Variants in DGKB observed in about 807,000 individuals in gnomAD.
DGKB encodes diacylglycerol kinase beta, also known as 90 kDa diacylglycerol kinase.
In DGKB, 67 loss-of-function variants were observed where a neutral mutation model predicts 114.3. That is an observed-to-expected ratio of 0.59 (90% CI 0.48 to 0.72). The LOEUF is 0.72. DGKB is among the 30% of genes least tolerant of loss of function. The pLI, the probability that DGKB is intolerant of heterozygous loss-of-function variation, is 0.00. For synonymous variants in DGKB, 398 were observed against 323.1 expected, an observed-to-expected ratio of 1.23 and a Z score of -2.49; for missense variants, 907 against 975.2, an observed-to-expected ratio of 0.93 and a Z score of 0.93.
Position 14,755,482 on chromosome 7 carries a change from A to AG in DGKB, c.148-1535dup, listed in dbSNP as rs1476389264. On this transcript the variant is annotated intron_variant, in intron 3 of 25. Transcript: ENST00000402815. ...TGAATTAATTATTCATTCCAAATTCAGGTTGCATTACTCAATTGTCCATTT... is the reference window on the plus strand; with the variant it reads ...TGAATTAATTATTCATTCCAAATTCAGGGTTGCATTACTCAATTGTCCATTT... 2.0e-5 allele frequency among the ~76,000 whole-genome samples: 3 copies of AG among 152,164 alleles called. No individual in the cohort carries two copies. The East Asian group carries it at 5.8e-4, about 29-fold the overall frequency.
chr7:14,632,488 T>C lies in DGKB; in HGVS notation c.1135-2220A>G, dbSNP rs73682953. Among the ~76,000 whole-genome samples, 587 of 151,888 alleles carry C rather than the reference T, an allele frequency of 3.9e-3. 1 individual carries two copies. Among genetic ancestry groups the C allele is most frequent in the African/African-American group, 0.013 (536 of 41,504 alleles). ...GCAATTATTGAATATATGTGGAAAATATATTGGATTTTTTTATTGTTAGTG... is the reference window on the plus strand; with the variant it reads ...GCAATTATTGAATATATGTGGAAAACATATTGGATTTTTTTATTGTTAGTG... On this transcript the variant is annotated intron_variant, in intron 13 of 25. Coordinates refer to ENST00000402815, the MANE Select transcript of DGKB (RefSeq NM_001350709.2).
intron 1 of DGKB, among the ~76,000 whole-genome samples, chr7:14,874,949 G>C (rs1395592753): frequency 1.3e-5 from 2 of 151,946 alleles, no homozygotes; most frequent in Admixed American, 6.6e-5. Context: ...TAGCGTAACG[G>C]GGAAGTAAAA....
At chr7:14,665,583 A>T (rs935279351) in intron 13 of DGKB, among the ~76,000 whole-genome samples, 1 of 152,088 alleles carries the variant, frequency 6.6e-6, no homozygotes, top group African/African-American at 2.4e-5. Flanking sequence ...ACAGAAAACA[A>T]AACTAAATCA....
intron 1 of DGKB, among the ~76,000 whole-genome samples, chr7:14,850,219 G>C (rs1849165410): frequency 6.6e-6 from 1 of 152,176 alleles, no homozygotes; most frequent in South Asian, 2.1e-4. Context: ...AGATAGTAAA[G>C]GTGGCATGAT....
intron 13 of DGKB, among the ~76,000 whole-genome samples, chr7:14,670,751 G>A (rs534751231): frequency 1.4e-4 from 22 of 152,042 alleles, no homozygotes; most frequent in African/African-American, 5.3e-4. Context: ...ATTCTACTCT[G>A]TTTATGTATT....
At chr7:14,190,606 G>C (rs765144172) in intron 23 of DGKB, among the ~76,000 whole-genome samples, 5 of 151,746 alleles carry the variant, frequency 3.3e-5, no homozygotes, top group Non-Finnish European at 5.9e-5. Flanking sequence ...ACAAAATGAA[G>C]AATTTGTTTT....
intron 13 of DGKB, among the ~76,000 whole-genome samples, chr7:14,665,522 A>C (rs1817881144): frequency 6.6e-6 from 1 of 152,118 alleles, no homozygotes; most frequent in Non-Finnish European, 1.5e-5. Flanking sequence ...CCTAAAAGTT[A>C]AATTAAAATA....
upstream of DGKB, chr7:14,903,393 A>C (rs1783438203): frequency 6.6e-6 from 1 of 152,312 alleles, no homozygotes; most frequent in South Asian, 2.1e-4. Flanking sequence ...ACAGCTGTTT[A>C]ACTGCTGGTC....
At chr7:14,737,703 A>G (rs1379224126) in intron 4 of DGKB, among the ~76,000 whole-genome samples, 1 of 152,094 alleles carries the variant, frequency 6.6e-6, no homozygotes. Flanking sequence ...CACTTTGCTT[A>G]TTGATTCTCA....
intron 22 of DGKB, among the ~76,000 whole-genome samples, chr7:14,340,651 T>G (rs1811457570): frequency 6.6e-6 from 1 of 151,520 alleles, no homozygotes; most frequent in Admixed American, 6.6e-5. Context: ...TCTGCCTAAT[T>G]TATGTCAGTC....
At chr7:14,229,606 A>G (rs1791397671) in intron 23 of DGKB, among the ~76,000 whole-genome samples, 1 of 152,082 alleles carries the variant, frequency 6.6e-6, no homozygotes, top group Middle Eastern at 3.4e-3. Context: ...ATTTGTTTCT[A>G]TGAAATTTAT....
intron 20 of DGKB, among the ~76,000 whole-genome samples, chr7:14,574,007 T>G (rs1406760821): frequency 6.6e-6 from 1 of 152,256 alleles, no homozygotes; most frequent in East Asian, 1.9e-4. Context: ...ATATGTCAAT[T>G]GCTGATACTC....
chr7:14,511,457 C>A (rs1192912857), intron 20 of DGKB, among the ~76,000 whole-genome samples: 1 of 152,164 alleles, frequency 6.6e-6, no homozygotes, highest in Non-Finnish European at 1.5e-5. Flanking sequence ...CTTCATAGAA[C>A]TGAAGAGAGT....
intron 17 of DGKB, among the ~76,000 whole-genome samples, chr7:14,607,195 T>C (rs1279227653): frequency 6.7e-6 from 1 of 149,986 alleles, no homozygotes. Flanking sequence ...ATTAATATCA[T>C]CATTAGTACA....
At chr7:14,670,954 CATA>C (rs1563859126) in intron 13 of DGKB, among the ~76,000 whole-genome samples, 1 of 152,100 alleles carries the variant, frequency 6.6e-6, no homozygotes, top group Non-Finnish European at 1.5e-5. Flanking sequence ...AATATTTTAG[CATA>C]GTCTCTGGGA....
intron 1 of DGKB, among the ~76,000 whole-genome samples, chr7:14,867,202 C>A (rs1258501363): frequency 3.3e-5 from 5 of 152,064 alleles, no homozygotes; most frequent in Non-Finnish European, 7.4e-5. Context: ...TGATAATTGT[C>A]TTTCACAGAA....
intron 18 of DGKB, among the ~76,000 whole-genome samples, chr7:14,582,507 C>A (rs1333051432): frequency 6.6e-6 from 1 of 152,092 alleles, no homozygotes; most frequent in Non-Finnish European, 1.5e-5. Flanking sequence ...TAGTTATTTA[C>A]TTTTTTCCAA....
At chr7:14,635,770 A>T (rs1488074453) in intron 13 of DGKB, among the ~76,000 whole-genome samples, 2 of 151,538 alleles carry the variant, frequency 1.3e-5, no homozygotes, top group Non-Finnish European at 3.0e-5. Context: ...CCCCCTTCAA[A>T]GAACTCAGTA....
At chr7:14,408,215 G>A (rs1335183159) in intron 21 of DGKB, among the ~76,000 whole-genome samples, 1 of 152,088 alleles carries the variant, frequency 6.6e-6, no homozygotes, top group Admixed American at 6.6e-5. Context: ...CAGAGTAAGT[G>A]TGATTGATTG....
Sources: allele counts gnomAD v4.1 joint callset (sites outside exome capture counted in the v4.1 genomes callset), GRCh38; gene constraint gnomAD v4.1.1; transcripts MANE v1.5; gene names NCBI Gene and HGNC (gene_info 2026-07-23, HGNC 2026-07-21).